FANCA: variants seen among roughly 807,000 people sequenced by gnomAD.
FANCA encodes the protein FA complementation group A.
A neutral mutation model predicts 194.3 loss-of-function variants in FANCA; 236 were observed. The observed-to-expected ratio is 1.21, with a 90% CI of 1.09 to 1.35. The LOEUF (loss-of-function observed/expected upper bound fraction) is 1.35. FANCA is among the 40% of genes most tolerant of loss of function. The pLI, the probability that FANCA is intolerant of heterozygous loss-of-function variation, is 0.00. For synonymous variants in FANCA, 1,014 were observed against 715.8 expected, an observed-to-expected ratio of 1.42 and a Z score of -6.65; for missense variants, 2,628 against 1,813.9, an observed-to-expected ratio of 1.45 and a Z score of -8.15.
chr16:89,780,145 G>A (rs1013374119), intron 17 of FANCA, among the ~76,000 whole-genome samples, 188 bp from the exon 18 acceptor site: 15 of 152,172 alleles, frequency 9.9e-5, no homozygotes, highest in African/African-American at 3.4e-4. Context: ...ATACCAGCAC[G>A]ACAGGGGAGG....
Position 89,749,834 on chromosome 16 carries a change from C to T in FANCA, c.3135G>A (p.Glu1045=). 6.2e-7 allele frequency: 1 copy of T among 1,614,222 alleles called. No homozygotes were observed. The highest frequency in any genetic ancestry group is 1.1e-5 in the South Asian group (1 of 91,082). ...IVPLGHTPSQ[E]HFLFEIFRRR... ...TGCGGAAAATCTCAAAGAGGAAGTG[C>T]TCCTGGGAAGGGGTGTGGCCGAGAG... Residue 1045 remains glutamate (E), a synonymous_variant, in exon 32 of 43, where the codon GAG becomes GAA. Transcript: ENST00000389301.
At position 89,764,998 on chromosome 16, in the gene FANCA, G is replaced by A. The variant is rs1419813684; in HGVS notation, c.2670C>T (p.Ser890=). 1.2e-6 allele frequency: 2 copies of A among 1,614,240 alleles called. No individual in the cohort carries two copies. The highest frequency in any genetic ancestry group is 1.7e-6 in the Non-Finnish European group (2 of 1,180,040). Residue 890 remains serine, a synonymous_variant, in exon 28 of 43, where the codon AGC becomes AGT. Coordinates refer to ENST00000389301, the MANE Select transcript of FANCA (RefSeq NM_000135.4). ...GAAGGTGCAAGGGTCTCCAGGAAAGGCTGGCTACGTCCTCCTCAGAAAGAG... is the reference window on the plus strand; with the variant it reads ...GAAGGTGCAAGGGTCTCCAGGAAAGACTGGCTACGTCCTCCTCAGAAAGAG... ...RQPLSEEDVA[S]LSWRPLHLPS...
chr16:89,813,201 G>C (rs1250392089), intron 3 of FANCA, among the ~76,000 whole-genome samples: 3 of 151,910 alleles, frequency 2.0e-5, no homozygotes, highest in African/African-American at 4.8e-5. Context: ...GATTGCTTGA[G>C]CTCAGGAGTT....
Position 89,737,737 on chromosome 16 carries a change from T to G in FANCA, c.*864A>C. 6.2e-7 allele frequency: 1 copy of G among 1,604,566 alleles called. No individual in the cohort carries two copies. Among genetic ancestry groups the G allele is most frequent in the Non-Finnish European group, 8.5e-7 (1 of 1,172,870 alleles). On this transcript the variant is annotated 3_prime_UTR_variant, in exon 43 of 43. Transcript: ENST00000389301. ...TCTTCCCAGCTGTGATGGTTTCACA[T>G]TGTCATCGTCGTCCCCCCGGGAGGT...
chr16:89,807,523 G>C (rs892597283), intron 6 of FANCA, among the ~76,000 whole-genome samples: 5 of 152,270 alleles, frequency 3.3e-5, no homozygotes, highest in South Asian at 4.2e-4. Context: ...GCCGAGGCAG[G>C]GGAATCACCT....
At chr16:89,804,041 T>A (rs1399773225) in intron 7 of FANCA, among the ~76,000 whole-genome samples, 1 of 152,058 alleles carries the variant, frequency 6.6e-6, no homozygotes, top group Non-Finnish European at 1.5e-5. Context: ...AGGAATGTGA[T>A]GGGGGAGGAA....
At chr16:89,758,258 C>G (rs1458884005) in intron 30 of FANCA, among the ~76,000 whole-genome samples, 12 of 152,186 alleles carry the variant, frequency 7.9e-5, no homozygotes. Flanking sequence ...GTGATAGGCT[C>G]AAGTGTACTT....
At chr16:89,759,318 TA>T (rs71137673) in intron 29 of FANCA, among the ~76,000 whole-genome samples, 1,329 of 75,170 alleles carry the variant, frequency 0.018, 330 homozygotes, top group African/African-American at 0.062. Context: ...AGACTCCGTC[TA>T]AAAAAAAAAA....
rs2143288759 is a variant in FANCA, at chr16:89,764,976, G to A, written c.2692C>T (p.Leu898Phe). Residue 898 changes from leucine to phenylalanine, a missense_variant, in exon 28 of 43, where the codon CTT (leucine) becomes TTT (phenylalanine). Transcript: ENST00000389301. ...VASLSWRPLH[L>F]PSADWQRAAL... is the part of the protein sequence containing the mutation. ...GCTCTCTGCCAGTCTGCAGAAGGAAGGTGCAAGGGTCTCCAGGAAAGGCTG... is the reference window on the plus strand; with the variant it reads ...GCTCTCTGCCAGTCTGCAGAAGGAAAGTGCAAGGGTCTCCAGGAAAGGCTG... 1 of 1,614,244 alleles carries A rather than the reference G, an allele frequency of 6.2e-7. No individual in the cohort carries two copies. Among genetic ancestry groups the A allele is most frequent in the South Asian group, 1.1e-5 (1 of 91,086 alleles).
At chr16:89,809,896 C>T (rs913442277) in intron 5 of FANCA, among the ~76,000 whole-genome samples, 6 of 150,140 alleles carry the variant, frequency 4.0e-5, no homozygotes, top group Admixed American at 1.3e-4. Flanking sequence ...CATGGTGGCA[C>T]GCGCCTGTAA....
rs2039853777 is a variant in FANCA, at chr16:89,785,104, G to C, written c.1360-140C>G. On this transcript the variant is annotated intron_variant, in intron 14 of 42. Coordinates refer to ENST00000389301, the MANE Select transcript of FANCA (RefSeq NM_000135.4). ...CCACCTAGGCAGTGTCCTGTGTGGA[G>C]AGAAGAGTGTGAAGCCCACCTAGGC... 7.0e-6 allele frequency: 5 copies of C among 719,216 alleles called. No homozygotes were observed. The East Asian group carries it at 1.3e-4, about 19-fold the overall frequency. 44.6% of individuals were successfully genotyped at this position (719,216 alleles called of 1,614,324 possible). A position where few individuals can be genotyped will look rare whatever the true frequency, so the allele number is the denominator to read the frequency against.
intron 20 of FANCA, 53 bp downstream of exon 20, chr16:89,778,748 A>T: frequency 1.3e-6 from 2 of 1,539,224 alleles, no homozygotes; most frequent in Admixed American, 1.7e-5. Flanking sequence ...AATTCTTCGC[A>T]TTGTCAGAAG....
At chr16:89,815,266 A>G (rs962761293) in intron 2 of FANCA, among the ~76,000 whole-genome samples, 1 of 149,868 alleles carries the variant, frequency 6.7e-6, no homozygotes, top group East Asian at 1.9e-4. Flanking sequence ...CGAACTCCTA[A>G]CCTCAAGTGA....
chr16:89,795,651 A>C (rs1388228261), intron 11 of FANCA, among the ~76,000 whole-genome samples: 1 of 152,220 alleles, frequency 6.6e-6, no homozygotes, highest in Non-Finnish European at 1.5e-5. Flanking sequence ...CAAACAAACA[A>C]AAAAGATATT....
intron 13 of FANCA, 92 bp downstream of exon 13, chr16:89,791,835 C>T: frequency 6.5e-7 from 1 of 1,542,900 alleles, no homozygotes; most frequent in Non-Finnish European, 8.9e-7. Flanking sequence ...AAGGGCTTCA[C>T]TGAGAGGCTC....
At chr16:89,744,803 CCCA>C (rs1028052204) in intron 36 of FANCA, 153 bp downstream of exon 36, 33 of 730,342 alleles carry the variant, frequency 4.5e-5, no homozygotes, top group Non-Finnish European at 6.5e-5. Context: ...ATTACAGGCG[CCCA>C]CCACCACGAG....
chr16:89,738,936 A>C lies in FANCA; in HGVS notation c.4206T>G (p.Phe1402Leu), dbSNP rs1255828474. Reference sequence around the variant, plus strand: ...GGCACCGAGGTATTAACTGCAGCAGAAAAAGACGAGCTTTTGTTATCAGTT... The same window carrying C: ...GGCACCGAGGTATTAACTGCAGCAGCAAAAGACGAGCTTTTGTTATCAGTT... ...PVELITKARL[F>L]LLQLIPRCPK... Residue 1402 changes from phenylalanine to leucine, a missense_variant, in exon 42 of 43, where the codon TTT (phenylalanine) becomes TTG (leucine). Phe to Leu is a conservative substitution (Grantham distance 22). Transcript: ENST00000389301. 1.9e-6 allele frequency: 3 copies of C among 1,614,148 alleles called. No individual in the cohort carries two copies. The Admixed American group carries it at 5.0e-5, about 27-fold the overall frequency.
chr16:89,753,921 A>C (rs2038682952), intron 30 of FANCA, among the ~76,000 whole-genome samples: 1 of 152,162 alleles, frequency 6.6e-6, no homozygotes, highest in Admixed American at 6.6e-5. Flanking sequence ...CGGGCGTGTT[A>C]GCGGACGCCA....
At chr16:89,813,981 G>A (rs1451696476) in intron 3 of FANCA, among the ~76,000 whole-genome samples, 1 of 152,178 alleles carries the variant, frequency 6.6e-6, no homozygotes, top group East Asian at 1.9e-4. Flanking sequence ...TACAATCATG[G>A]CAGTGAAAAT....
Sources: allele counts gnomAD v4.1 joint callset (sites outside exome capture counted in the v4.1 genomes callset), GRCh38; gene constraint gnomAD v4.1.1; transcripts MANE v1.5; gene names NCBI Gene and HGNC (gene_info 2026-07-23, HGNC 2026-07-21).